LGR5: variants seen among roughly 807,000 people sequenced by gnomAD.
The protein encoded by LGR5 is leucine-rich repeat-containing G protein-coupled receptor 5.
A neutral mutation model predicts 76.7 loss-of-function variants in LGR5; 54 were observed. That is an observed-to-expected ratio of 0.70 (90% CI 0.57 to 0.88). The LOEUF is 0.88. Among genes scored for constraint, LGR5 ranks in the 40% least tolerant of loss-of-function variants. The pLI is 0.00. For missense variants in LGR5, 1,078 were observed against 1,073.3 expected (o/e 1.00, Z -0.06); for synonymous variants, 406 against 421.9 (o/e 0.96, Z 0.46).
At chr12:71,563,380 T>C (rs1878157047) in intron 8 of LGR5, among the ~76,000 whole-genome samples, 1 of 152,192 alleles carries the variant, frequency 6.6e-6, no homozygotes. Context: ...TTCACCAGTC[T>C]GCGTGAGGCT....
intron 2 of LGR5, among the ~76,000 whole-genome samples, chr12:71,522,073 C>T (rs67740666): frequency 6.6e-6 from 1 of 151,982 alleles, no homozygotes; most frequent in Admixed American, 6.6e-5. Context: ...GAACAAAGGG[C>T]TAGAGGGGGG....
chr12:71,558,633 C>T (rs957089407), intron 6 of LGR5, among the ~76,000 whole-genome samples: 2 of 152,182 alleles, frequency 1.3e-5, no homozygotes, highest in Non-Finnish European at 2.9e-5. Context: ...AAGTAGGAAC[C>T]TTGATTCATG....
At position 71,583,785 on chromosome 12, in the gene LGR5, T is replaced by C. The variant is rs764505750; in HGVS notation, c.1775T>C (p.Ile592Thr). The C allele has an allele frequency of 1.2e-6, 2 of 1,613,976 alleles. No individual in the cohort carries two copies. Among genetic ancestry groups the C allele is most frequent in the Non-Finnish European group, 1.7e-6 (2 of 1,180,020 alleles). Residue 592 changes from isoleucine (I) to threonine (T), a missense_variant, in exon 18 of 18, where the codon ATT becomes ACT. Coordinates refer to ENST00000266674, the MANE Select transcript of LGR5 (RefSeq NM_003667.4). ...AGATCCCCTCTGTACATTTCCCCCA[T>C]TAAACTGTTAATTGGGGTCATCGCA... ...VFRSPLYISP[I>T]KLLIGVIAAV... is the part of the protein sequence containing the mutation.
chr12:71,583,605 C>G, intron 17 of LGR5, 42 bp from the exon 18 acceptor site: 1 of 1,563,294 alleles, frequency 6.4e-7, no homozygotes, highest in Non-Finnish European at 8.7e-7. Flanking sequence ...AAGTTGTAAA[C>G]CCTAATTTGA....
intron 1 of LGR5, among the ~76,000 whole-genome samples, chr12:71,452,334 A>G (rs1258768206): frequency 6.6e-6 from 1 of 152,232 alleles, no homozygotes; most frequent in Non-Finnish European, 1.5e-5. Context: ...GCATCTGGGC[A>G]ACTTCAAAAG....
chr12:71,543,215 A>C (rs1313279466), intron 4 of LGR5, among the ~76,000 whole-genome samples: 7 of 152,194 alleles, frequency 4.6e-5, no homozygotes, highest in Non-Finnish European at 2.9e-5. Flanking sequence ...TGTAACCTGC[A>C]TTCATTCATC....
chr12:71,533,687 T>C (rs1876441603), intron 3 of LGR5, among the ~76,000 whole-genome samples: 1 of 152,194 alleles, frequency 6.6e-6, no homozygotes, highest in South Asian at 2.1e-4. Context: ...AAAGGGCCAA[T>C]TTTTACTGAA....
At chr12:71,539,833 G>T (rs1320244836) in intron 4 of LGR5, among the ~76,000 whole-genome samples, 3 of 152,266 alleles carry the variant, frequency 2.0e-5, no homozygotes, top group Middle Eastern at 3.4e-3. Flanking sequence ...TAAGGAATAA[G>T]AGTGCAGGCC....
intron 1 of LGR5, among the ~76,000 whole-genome samples, chr12:71,504,400 C>T (rs1023769094): frequency 6.6e-6 from 1 of 152,076 alleles, no homozygotes. Context: ...ATGTAAGTTC[C>T]TCCTAGGGTC....
chr12:71,497,836 A>G (rs1023629295), intron 1 of LGR5, among the ~76,000 whole-genome samples: 23 of 152,036 alleles, frequency 1.5e-4, no homozygotes, highest in Non-Finnish European at 1.3e-4. Context: ...AAGAGCATCA[A>G]TTTTTTTTGT....
chr12:71,519,456 T>C (rs1302403544), intron 2 of LGR5, among the ~76,000 whole-genome samples: 1 of 152,104 alleles, frequency 6.6e-6, no homozygotes, highest in East Asian at 1.9e-4. Context: ...CTCCATGAGG[T>C]CAGGGGCTTT....
intron 1 of LGR5, among the ~76,000 whole-genome samples, chr12:71,454,632 C>G (rs1401777016): frequency 1.3e-5 from 2 of 152,052 alleles, no homozygotes; most frequent in Non-Finnish European, 2.9e-5. Context: ...AAGTTCAAGT[C>G]AGGGAGAAGA....
At chr12:71,574,369 GAATA>G (rs1265571176) in intron 13 of LGR5, among the ~76,000 whole-genome samples, 1 of 139,602 alleles carries the variant, frequency 7.2e-6, no homozygotes, top group Non-Finnish European at 1.5e-5. Flanking sequence ...AGACTCTGAA[GAATA>G]AATGTCTGAA....
At chr12:71,555,471 C>A (rs1877711668) in intron 5 of LGR5, among the ~76,000 whole-genome samples, 1 of 152,170 alleles carries the variant, frequency 6.6e-6, no homozygotes, top group African/African-American at 2.4e-5. Context: ...TAATTATATA[C>A]ACTAATACTG....
intron 3 of LGR5, 114 bp downstream of exon 3, chr12:71,524,591 C>T (rs964246475): frequency 4.9e-5 from 31 of 634,044 alleles, no homozygotes; most frequent in Admixed American, 2.4e-4. Context: ...TGGGATAATT[C>T]ATCTAAATTC....
intron 1 of LGR5, among the ~76,000 whole-genome samples, chr12:71,453,119 A>G (rs1482433599): frequency 6.6e-6 from 1 of 152,218 alleles, no homozygotes; most frequent in Non-Finnish European, 1.5e-5. Flanking sequence ...GAACAGCAGA[A>G]AGGCACCTAC....
At chr12:71,483,863 G>C (rs1280127686) in intron 1 of LGR5, among the ~76,000 whole-genome samples, 1 of 152,074 alleles carries the variant, frequency 6.6e-6, no homozygotes, top group Non-Finnish European at 1.5e-5. Context: ...ATAATCAATA[G>C]GACTGATGGC....
At position 71,578,854 on chromosome 12, in the gene LGR5, G is replaced by T. The variant is rs569017913; in HGVS notation, c.1331G>T (p.Gly444Val). 36 of 1,612,228 alleles carry T rather than the reference G, an allele frequency of 2.2e-5. No homozygotes were observed. Among genetic ancestry groups the T allele is most frequent in the Non-Finnish European group, 3.0e-5 (35 of 1,179,008 alleles). The part of the protein sequence containing the change: ...LSSFPITGLH[G>V]LTHLKLTGNH... Reference sequence around the variant, plus strand: ...TCTTTTCCTATAACTGGGTTACATGGTTTAACTCACTTAAAATTAACAGGA... The same window carrying T: ...TCTTTTCCTATAACTGGGTTACATGTTTTAACTCACTTAAAATTAACAGGA... Residue 444 changes from glycine to valine, a missense_variant, in exon 15 of 18, where the codon GGT (glycine) becomes GTT (valine). Transcript: ENST00000266674.
intron 1 of LGR5, chr12:71,448,672 T>C (rs1290406469): frequency 6.6e-6 from 1 of 152,254 alleles, no homozygotes; most frequent in East Asian, 1.9e-4. Context: ...TGTTATTATG[T>C]GATTATGAAA....
Sources: gnomAD v4.1 joint callset for allele counts (sites outside exome capture counted in the v4.1 genomes callset) on GRCh38, gnomAD v4.1.1 for gene constraint, MANE v1.5 for transcripts, NCBI Gene and HGNC (gene_info 2026-07-23, HGNC 2026-07-21) for gene names.